Variants in KRABD5 observed in about 807,000 individuals in gnomAD.
KRABD5 encodes the protein KRAB domain-containing protein 5.
the KRABD5 span, among the ~76,000 whole-genome samples, chr16:31,724,802 C>A: frequency 6.6e-6 from 1 of 151,818 alleles, no homozygotes; most frequent in Non-Finnish European, 1.5e-5. Flanking sequence ...CAGAATTTAT[C>A]TTTTAAATGA....
At chr16:31,732,133 A>T in the KRABD5 span, among the ~76,000 whole-genome samples, 7 of 152,178 alleles carry the variant, frequency 4.6e-5, no homozygotes, top group Admixed American at 1.3e-4. Flanking sequence ...TGTGTCCAGA[A>T]CCATGATCAA....
the KRABD5 span, among the ~76,000 whole-genome samples, chr16:31,720,910 G>C: frequency 0.13 from 19,397 of 152,070 alleles, 1,585 homozygotes; most frequent in South Asian, 0.32. Flanking sequence ...ACTGGTTTTT[G>C]AAACTGGAAA....
At chr16:31,744,296 C>T in the KRABD5 span, among the ~76,000 whole-genome samples, 17 of 152,192 alleles carry the variant, frequency 1.1e-4, no homozygotes, top group African/African-American at 3.9e-4. Flanking sequence ...CAGATATGTT[C>T]CATCAATACC....
the KRABD5 span, chr16:31,754,713 G>A: frequency 2.2e-6 from 1 of 458,642 alleles, no homozygotes; most frequent in Non-Finnish European, 4.4e-6. Flanking sequence ...AAGTCACACA[G>A]ATGTAATAAT....
chr16:31,737,802 C>CGATG, the KRABD5 span, among the ~76,000 whole-genome samples: 5 of 152,190 alleles, frequency 3.3e-5, no homozygotes, highest in South Asian at 1.0e-3. Context: ...GATTATTTAT[C>CGATG]CATCTGTGGT....
At chr16:31,756,891 GA>G in the KRABD5 span, 1 of 152,130 alleles carries the variant, frequency 6.6e-6, no homozygotes, top group African/African-American at 2.4e-5. Flanking sequence ...TCTTCAAATG[GA>G]AAAGAAAATG....
chr16:31,719,350 G>A, the KRABD5 span, among the ~76,000 whole-genome samples: 7 of 152,088 alleles, frequency 4.6e-5, no homozygotes, highest in Non-Finnish European at 7.4e-5. Context: ...AATTTTCCCA[G>A]AAGGCCCTAC....
chr16:31,755,554 A>G, the KRABD5 span: 1 of 463,046 alleles, frequency 2.2e-6, no homozygotes, highest in Non-Finnish European at 4.4e-6. Flanking sequence ...AACCATATAT[A>G]TGTAAGGATT....
chr16:31,739,514 A>T, the KRABD5 span, among the ~76,000 whole-genome samples: 2 of 151,924 alleles, frequency 1.3e-5, no homozygotes, highest in South Asian at 4.2e-4. Flanking sequence ...TCTGATTATA[A>T]TGTGTCTTGT....
the KRABD5 span, chr16:31,755,273 A>C: frequency 2.0e-6 from 1 of 499,778 alleles, no homozygotes; most frequent in Admixed American, 2.1e-5. Context: ...TGTCCACCAG[A>C]GAATTCATAC....
At chr16:31,715,672 A>G in the KRABD5 span, among the ~76,000 whole-genome samples, 3 of 152,184 alleles carry the variant, frequency 2.0e-5, no homozygotes, top group Admixed American at 2.0e-4. Context: ...GTAGAGGGGC[A>G]GTGTTGTGGC....
chr16:31,753,397 G>T, the KRABD5 span, among the ~76,000 whole-genome samples: 1 of 152,146 alleles, frequency 6.6e-6, no homozygotes, highest in Non-Finnish European at 1.5e-5. Flanking sequence ...TCTTTAGATA[G>T]CCCCAGAATA....
chr16:31,719,278 C>G, the KRABD5 span, among the ~76,000 whole-genome samples: 1 of 152,186 alleles, frequency 6.6e-6, no homozygotes, highest in South Asian at 2.1e-4. Flanking sequence ...AAGGGCCACC[C>G]ATGGACAGAA....
At chr16:31,738,705 AT>A in the KRABD5 span, among the ~76,000 whole-genome samples, 1 of 151,940 alleles carries the variant, frequency 6.6e-6, no homozygotes. Context: ...TCACCATTGC[AT>A]TTTGTTCAAT....
chr16:31,751,162 C>A, the KRABD5 span, among the ~76,000 whole-genome samples: 1 of 152,148 alleles, frequency 6.6e-6, no homozygotes, highest in Admixed American at 6.6e-5. Context: ...GGTAAATTAA[C>A]TTTGAGTATG....
chr16:31,728,791 A>C, the KRABD5 span, among the ~76,000 whole-genome samples: 1 of 152,188 alleles, frequency 6.6e-6, no homozygotes, highest in Admixed American at 6.5e-5. Flanking sequence ...ATGGGATGTT[A>C]TATGTACATT....
At chr16:31,754,639 G>A in the KRABD5 span, 44 of 463,934 alleles carry the variant, frequency 9.5e-5, no homozygotes, top group Middle Eastern at 9.7e-4. Flanking sequence ...AATGTAATAA[G>A]TGTATAGAAA....
At chr16:31,737,431 A>T in the KRABD5 span, among the ~76,000 whole-genome samples, 1 of 150,702 alleles carries the variant, frequency 6.6e-6, no homozygotes, top group South Asian at 2.1e-4. Flanking sequence ...AAAAGAAAAT[A>T]AAAAATGTGA....
the KRABD5 span, among the ~76,000 whole-genome samples, chr16:31,752,615 C>T: frequency 1.3e-5 from 2 of 152,130 alleles, no homozygotes; most frequent in African/African-American, 4.8e-5. Flanking sequence ...GGTTTCATCC[C>T]AGCACTTTGA....
Sources: allele counts gnomAD v4.1 joint callset (sites outside exome capture counted in the v4.1 genomes callset), GRCh38; gene constraint gnomAD v4.1.1; transcripts MANE v1.5; gene names NCBI Gene and HGNC (gene_info 2026-07-23, HGNC 2026-07-21).